Variants in NRG3 observed in about 807,000 individuals in gnomAD.
NRG3 encodes the protein neuregulin 3.
In NRG3, 31 loss-of-function variants were observed where a neutral mutation model predicts 66.9. The observed-to-expected ratio is 0.46, with a 90% CI of 0.35 to 0.63. NRG3 has a LOEUF of 0.63. Ranked by LOEUF, NRG3 falls within the 20% of genes least tolerant of loss-of-function variation. The pLI is 0.00. For missense variants in NRG3, 910 were observed against 878.9 expected (o/e 1.04, Z -0.45); for synonymous variants, 393 against 359.4 (o/e 1.09, Z -1.06).
chr10:82,506,031 A>G (rs1022381764), intron 2 of NRG3, among the ~76,000 whole-genome samples: 5 of 152,108 alleles, frequency 3.3e-5, no homozygotes, highest in Admixed American at 2.6e-4. Context: ...GCGGACCACA[A>G]TGTCAGGAGA....
At chr10:81,979,396 T>A (rs978080623) in intron 1 of NRG3, among the ~76,000 whole-genome samples, 4 of 152,080 alleles carry the variant, frequency 2.6e-5, no homozygotes, top group African/African-American at 9.7e-5. Context: ...TGGGAGGCAT[T>A]GTGCACACAT....
intron 2 of NRG3, among the ~76,000 whole-genome samples, chr10:82,526,343 T>A (rs567161649): frequency 1.3e-5 from 2 of 151,606 alleles, no homozygotes; most frequent in Non-Finnish European, 3.0e-5. Context: ...AAAATTAAAA[T>A]TGAAAGTACA....
intron 1 of NRG3, among the ~76,000 whole-genome samples, chr10:81,904,445 T>G (rs1459353901): frequency 6.6e-6 from 1 of 152,104 alleles, no homozygotes; most frequent in Non-Finnish European, 1.5e-5. Context: ...CAGAAAGGGT[T>G]GCTTAGTCTC....
intron 2 of NRG3, among the ~76,000 whole-genome samples, chr10:82,396,910 G>T (rs960846946): frequency 3.3e-5 from 5 of 152,104 alleles, no homozygotes; most frequent in African/African-American, 9.7e-5. Context: ...TAAAGAATTT[G>T]CTATCAACCC....
intron 2 of NRG3, among the ~76,000 whole-genome samples, chr10:82,391,170 C>G (rs1324201420): frequency 6.6e-6 from 1 of 152,124 alleles, no homozygotes; most frequent in Non-Finnish European, 1.5e-5. Flanking sequence ...TTCAGTGATT[C>G]AACATGTCTG....
At chr10:82,816,946 T>C (rs2061735181) in intron 3 of NRG3, among the ~76,000 whole-genome samples, 1 of 152,270 alleles carries the variant, frequency 6.6e-6, no homozygotes, top group African/African-American at 2.4e-5. Context: ...GAGGAATATG[T>C]GGGTATTTTC....
chr10:82,541,413 T>C (rs2043533383), intron 2 of NRG3, among the ~76,000 whole-genome samples: 1 of 152,054 alleles, frequency 6.6e-6, no homozygotes, highest in Non-Finnish European at 1.5e-5. Context: ...CTCCAAAAAC[T>C]GAGCTCCCCG....
chr10:82,203,663 A>T (rs1180814847), intron 1 of NRG3, among the ~76,000 whole-genome samples: 1 of 152,178 alleles, frequency 6.6e-6, no homozygotes, highest in Non-Finnish European at 1.5e-5. Context: ...CATTATAATA[A>T]AAAATAATTA....
At chr10:82,078,522 T>C (rs922002367) in intron 1 of NRG3, among the ~76,000 whole-genome samples, 5 of 152,140 alleles carry the variant, frequency 3.3e-5, no homozygotes, top group Admixed American at 6.5e-5. Flanking sequence ...GGCTAATTTT[T>C]TGTGTTTTTA....
At chr10:82,107,450 T>A (rs1233850109) in intron 1 of NRG3, among the ~76,000 whole-genome samples, 2 of 152,194 alleles carry the variant, frequency 1.3e-5, no homozygotes, top group African/African-American at 4.8e-5. Context: ...CACATGTCAC[T>A]TAGAAAGCAT....
intron 4 of NRG3, among the ~76,000 whole-genome samples, chr10:82,917,779 G>A (rs1480563696): frequency 1.3e-5 from 2 of 151,950 alleles, no homozygotes; most frequent in Non-Finnish European, 2.9e-5. Context: ...AAAACTCAAA[G>A]TAAAATTCAG....
chr10:82,392,014 A>C (rs2086407217), intron 2 of NRG3, among the ~76,000 whole-genome samples: 2 of 151,004 alleles, frequency 1.3e-5, no homozygotes, highest in South Asian at 2.1e-4. Context: ...AAAAAAACAA[A>C]AAAAAAACCC....
intron 3 of NRG3, among the ~76,000 whole-genome samples, chr10:82,848,888 C>T (rs575938744): frequency 6.6e-6 from 1 of 152,252 alleles, no homozygotes; most frequent in African/African-American, 2.4e-5. Context: ...GCCTTTGTTC[C>T]TTCTTTGCCT....
At chr10:81,954,228 T>C (rs1849619503) in intron 1 of NRG3, among the ~76,000 whole-genome samples, 1 of 152,198 alleles carries the variant, frequency 6.6e-6, no homozygotes, top group Non-Finnish European at 1.5e-5. Context: ...TGGGAAATGT[T>C]TGCTGCTAAT....
At chr10:82,397,888 G>A (rs1444679914) in intron 2 of NRG3, among the ~76,000 whole-genome samples, 1 of 152,082 alleles carries the variant, frequency 6.6e-6, no homozygotes, top group African/African-American at 2.4e-5. Context: ...CCTGAGAGAG[G>A]GGCAAAGAAA....
intron 5 of NRG3, among the ~76,000 whole-genome samples, chr10:82,955,626 G>T (rs1199658246): frequency 2.6e-5 from 4 of 151,816 alleles, no homozygotes; most frequent in Admixed American, 1.3e-4. Context: ...TGGGAAAAAA[G>T]AGGAGGATAA....
At chr10:82,353,035 G>A (rs748579953) in intron 1 of NRG3, among the ~76,000 whole-genome samples, 4 of 152,178 alleles carry the variant, frequency 2.6e-5, no homozygotes, top group Non-Finnish European at 5.9e-5. Flanking sequence ...ATATTTAGGA[G>A]TTAGAATCAA....
At chr10:82,982,618 C>T (rs1161365729) in intron 8 of NRG3, among the ~76,000 whole-genome samples, 1 of 152,154 alleles carries the variant, frequency 6.6e-6, no homozygotes, top group African/African-American at 2.4e-5. Context: ...GACATTATTT[C>T]AATTAGTCCT....
At chr10:82,059,473 G>T (rs1421712508) in intron 1 of NRG3, among the ~76,000 whole-genome samples, 4 of 146,376 alleles carry the variant, frequency 2.7e-5, no homozygotes, top group Non-Finnish European at 6.0e-5. Context: ...GCAACTGGTA[G>T]ATTGAGTTAA....
Sources: gnomAD v4.1 joint callset for allele counts (sites outside exome capture counted in the v4.1 genomes callset) on GRCh38, gnomAD v4.1.1 for gene constraint, MANE v1.5 for transcripts, NCBI Gene and HGNC (gene_info 2026-07-23, HGNC 2026-07-21) for gene names.